Variants in RHOBTB2 observed in about 807,000 individuals in gnomAD.
RHOBTB2 encodes Rho related BTB domain containing 2.
Under a neutral mutation model 66.5 loss-of-function variants are expected in RHOBTB2, and 39 were observed. That is an observed-to-expected ratio of 0.59 (90% confidence interval 0.45 to 0.77). The LOEUF (loss-of-function observed/expected upper bound fraction) is 0.77. Among genes scored for constraint, RHOBTB2 ranks in the 30% least tolerant of loss-of-function variants. RHOBTB2 has a pLI of 0.00. For missense variants in RHOBTB2, 755 were observed against 999.1 expected (o/e 0.76, Z 3.29); for synonymous variants, 390 against 395.0 (o/e 0.99, Z 0.15).
At chr8:22,986,503 C>T (rs532219979), upstream of RHOBTB2, among the ~76,000 whole-genome samples, 9 of 152,060 alleles carry the variant, frequency 5.9e-5, no homozygotes, top group Middle Eastern at 3.4e-3. Flanking sequence ...AAAGTATCCA[C>T]CCACTTCAGC....
In RHOBTB2 at chr8:23,008,215, A is replaced by T. The variant is rs1179952566; in HGVS notation, c.1620+104A>T. 5.1e-6 allele frequency: 4 copies of T among 787,686 alleles called. No individual in the cohort carries two copies. The African/African-American group carries it at 6.9e-5, about 14-fold the overall frequency. The allele number at this position is 787,686 out of a possible 1,614,324, so 48.8% of individuals were successfully genotyped here. On this transcript the variant is annotated intron_variant, in intron 6 of 9. Coordinates refer to ENST00000251822, the MANE Select transcript of RHOBTB2 (RefSeq NM_015178.3). ...GTACTTTCTTCACTGACTGTGTGCT[A>T]ACCACAGGGTGATGGGCCCAAGAGA...
In RHOBTB2 at chr8:23,007,569, G is replaced by A. The variant is rs375491041; in HGVS notation, c.1324G>A (p.Glu442Lys). 9.9e-6 allele frequency: 16 copies of A among 1,614,186 alleles called. No individual in the cohort carries two copies. The African/African-American group carries it at 1.7e-4, about 17-fold the overall frequency. The change falls in exon 5 of 10, where the codon GAG (glutamate) becomes AAG (lysine). Residue 442 changes from glutamate (E) to lysine (K), a missense_variant. Glu to Lys is a moderately conservative substitution (Grantham distance 56). Around this residue, in one of 7 missense-constraint regions of RHOBTB2, gnomAD observed 353 missense variants for 458.2 expected, o/e 0.77. Transcript: ENST00000251822. ...GTACACGGGGGAGCTAGATGAGAACGAGCGTGACCTCATGCACATTGCCCA... is the reference window on the plus strand; with the variant it reads ...GTACACGGGGGAGCTAGATGAGAACAAGCGTGACCTCATGCACATTGCCCA... ...YLYTGELDEN[E>K]RDLMHIAHIA...
Position 23,007,363 on chromosome 8 carries a change from G to A in RHOBTB2, c.1118G>A (p.Gly373Asp). Residue 373 changes from glycine (G) to aspartate (D), a missense_variant, in exon 5 of 10, where the codon GGC becomes GAC. Gly to Asp is a moderately conservative substitution (Grantham distance 94). This residue lies in a region of RHOBTB2 where 247 missense variants were observed against 238.9 expected (regional missense o/e 1.03). Coordinates refer to ENST00000251822, the MANE Select transcript of RHOBTB2 (RefSeq NM_015178.3). Reference sequence around the variant, plus strand: ...TCCACCAGCGACGGGATCTTACGGGGCAACGGAACAGGGTACCTACCGGGC... The same window carrying A: ...TCCACCAGCGACGGGATCTTACGGGACAACGGAACAGGGTACCTACCGGGC... The part of the protein sequence containing the change: ...RASTSDGILR[G>D]NGTGYLPGRG... 1.9e-6 allele frequency: 3 copies of A among 1,613,902 alleles called. No individual in the cohort carries two copies. The South Asian group carries it at 3.3e-5, about 18-fold the overall frequency.
At chr8:22,956,494 G>T in the RHOBTB2 span, among the ~76,000 whole-genome samples, 5 of 152,048 alleles carry the variant, frequency 3.3e-5, no homozygotes, top group Non-Finnish European at 5.9e-5. Flanking sequence ...CCAGCCATGT[G>T]AAGTGCTCAC....
chr8:22,989,217 G>A (rs188720683), intron 1 of RHOBTB2, among the ~76,000 whole-genome samples: 16 of 152,190 alleles, frequency 1.1e-4, no homozygotes, highest in Admixed American at 1.0e-3. Flanking sequence ...GCACTATCTT[G>A]GCTCACTACA....
At position 22,999,946 on chromosome 8, in the gene RHOBTB2, G is replaced by C. The variant is rs1238983966; in HGVS notation, c.-170G>C. On this transcript the variant is annotated 5_prime_UTR_variant, in exon 1 of 10. Transcript: ENST00000251822. The stretch of plus-strand genomic sequence containing the variant: ...CCTGCCGGAGTTTCTGAGTGGCCGC[G>C]AGCTGGCCGGGAGGCTGGAGCCCAG... The C allele has an allele frequency of 1.0e-6, 1 of 985,322 alleles. No individual in the cohort carries two copies. The highest frequency in any genetic ancestry group is 1.7e-5 in the African/African-American group (1 of 57,240). 61.0% of individuals were successfully genotyped at this position (985,322 alleles called of 1,614,324 possible).
At chr8:22,996,017 G>A, upstream of RHOBTB2, 1 of 822,936 alleles carries the variant, frequency 1.2e-6, no homozygotes, top group Non-Finnish European at 2.1e-6. Flanking sequence ...CACAGGGAGA[G>A]CAACGCTGGT....
intron 2 of RHOBTB2, among the ~76,000 whole-genome samples, chr8:22,993,254 G>A (rs980601714): frequency 2.0e-5 from 3 of 152,094 alleles, no homozygotes; most frequent in Non-Finnish European, 2.9e-5. Flanking sequence ...CGAACTCCTG[G>A]GCTCAAGAGA....
intron 8 of RHOBTB2, among the ~76,000 whole-genome samples, chr8:23,015,342 G>C (rs1259238302): frequency 6.6e-6 from 1 of 152,156 alleles, no homozygotes; most frequent in African/African-American, 2.4e-5. Context: ...GAGATCTGAG[G>C]AGGGCAGATG....
At chr8:23,005,097 C>G (rs113463658) in intron 2 of RHOBTB2, among the ~76,000 whole-genome samples, 14 of 152,132 alleles carry the variant, frequency 9.2e-5, no homozygotes, top group African/African-American at 2.4e-4. Flanking sequence ...TCTTCCACCC[C>G]CTTAGGGTCT....
chr8:22,960,001 TAA>T, the RHOBTB2 span, among the ~76,000 whole-genome samples: 86 of 104,776 alleles, frequency 8.2e-4, no homozygotes, highest in Admixed American at 9.6e-4. Context: ...CCATCTCTAC[TAA>T]AAAAAAAAAA....
chr8:22,951,471 C>T, the RHOBTB2 span, among the ~76,000 whole-genome samples: 1 of 151,988 alleles, frequency 6.6e-6, no homozygotes. Context: ...GGGCTGAATC[C>T]GAAAAGAGAG....
chr8:22,989,108 A>T (rs1168018897), intron 1 of RHOBTB2, among the ~76,000 whole-genome samples: 1 of 152,038 alleles, frequency 6.6e-6, no homozygotes, highest in Non-Finnish European at 1.5e-5. Flanking sequence ...ACTTTCCTTC[A>T]ATTGAGTTAA....
chr8:22,988,763 T>C (rs1400931050), intron 1 of RHOBTB2, among the ~76,000 whole-genome samples: 1 of 151,832 alleles, frequency 6.6e-6, no homozygotes, highest in Non-Finnish European at 1.5e-5. Context: ...CGCAAAGGAG[T>C]AGCTGAATGG....
At chr8:22,993,402 G>C (rs774865598) in intron 2 of RHOBTB2, among the ~76,000 whole-genome samples, 1 of 152,140 alleles carries the variant, frequency 6.6e-6, no homozygotes, top group Non-Finnish European at 1.5e-5. Context: ...GGCCCAGATG[G>C]CAGAGGCACA....
the RHOBTB2 span, among the ~76,000 whole-genome samples, chr8:22,960,024 CA>C: frequency 3.1e-5 from 3 of 97,352 alleles, no homozygotes; most frequent in African/African-American, 1.4e-4. Context: ...AAAAAAAATA[CA>C]AAAAAAACCT....
At chr8:22,955,983 C>T in the RHOBTB2 span, among the ~76,000 whole-genome samples, 32 of 152,178 alleles carry the variant, frequency 2.1e-4, no homozygotes, top group Non-Finnish European at 4.1e-4. Flanking sequence ...CAAATGGAGA[C>T]GGGCACTAAG....
chr8:23,017,817 T>C lies in RHOBTB2; in HGVS notation c.*348T>C, dbSNP rs1811340968. Reference sequence around the variant, plus strand: ...CTTCTCTGTGTGTCTTGGTTGCTGCTCTGGCCAGGGAGGCAGCCCCACTCC... The same window carrying C: ...CTTCTCTGTGTGTCTTGGTTGCTGCCCTGGCCAGGGAGGCAGCCCCACTCC... On this transcript the variant is annotated 3_prime_UTR_variant, in exon 10 of 10. Transcript: ENST00000251822. The surrounding 1 kb of genome is among the most constrained non-coding windows in gnomAD (Gnocchi z 5.3). The C allele has an allele frequency of 3.6e-6, 1 of 275,426 alleles. No homozygotes were observed. Among genetic ancestry groups the C allele is most frequent in the South Asian group, 5.4e-5 (1 of 18,358 alleles). The allele number at this position is 275,426 out of a possible 1,614,324, so 17.1% of individuals were successfully genotyped here.
the RHOBTB2 span, among the ~76,000 whole-genome samples, chr8:22,960,411 TG>T: frequency 6.8e-5 from 10 of 146,066 alleles, no homozygotes; most frequent in Non-Finnish European, 1.5e-4. Context: ...CTCCACCTCC[TG>T]GGTTCAAGCG....
Sources: allele counts gnomAD v4.1 joint callset (sites outside exome capture counted in the v4.1 genomes callset), GRCh38; gene constraint gnomAD v4.1.1; regional missense constraint gnomAD v4.1.1; non-coding constraint Gnocchi (gnomAD v3.1); transcripts MANE v1.5; gene names NCBI Gene and HGNC (gene_info 2026-07-23, HGNC 2026-07-21).